TSPAN18: variants seen among roughly 807,000 people sequenced by gnomAD.
TSPAN18 encodes tetraspanin 18.
A neutral mutation model predicts 27.3 loss-of-function variants in TSPAN18; 14 were observed. That is an observed-to-expected ratio of 0.51 (90% CI 0.34 to 0.80). The LOEUF (loss-of-function observed/expected upper bound fraction) is 0.80, where lower values mean the gene tolerates loss of function less well. Ranked by LOEUF, TSPAN18 falls within the 30% of genes least tolerant of loss-of-function variation. TSPAN18 has a pLI of 0.01. For missense variants in TSPAN18, 268 were observed against 323.9 expected (o/e 0.83, Z 1.32); for synonymous variants, 143 against 136.5 (o/e 1.05, Z -0.33).
At position 44,843,311 on chromosome 11, in the gene TSPAN18, C is replaced by T. The variant is rs1030131947; in HGVS notation, c.-152-17017C>T. On this transcript the variant is annotated intron_variant, in intron 2 of 9. Coordinates refer to ENST00000520358, the MANE Select transcript of TSPAN18 (RefSeq NM_130783.5). ...TATTGGTGGGATCCGTGATGCCCCACAAGCCACAAAAACCAGCAAGTTTTT... is the reference window on the plus strand; with the variant it reads ...TATTGGTGGGATCCGTGATGCCCCATAAGCCACAAAAACCAGCAAGTTTTT... 2.6e-5 allele frequency among the ~76,000 whole-genome samples: 4 copies of T among 151,864 alleles called. No individual in the cohort carries two copies. The East Asian group carries it at 7.7e-4, about 29-fold the overall frequency.
chr11:44,782,282 C>T (rs1855955607), intron 2 of TSPAN18, among the ~76,000 whole-genome samples: 1 of 152,132 alleles, frequency 6.6e-6, no homozygotes, highest in South Asian at 2.1e-4. Context: ...TGCGGTGGCT[C>T]ATACCTGTAA....
intron 2 of TSPAN18, among the ~76,000 whole-genome samples, chr11:44,854,766 G>C (rs1451591705): frequency 1.3e-5 from 2 of 152,150 alleles, no homozygotes; most frequent in Non-Finnish European, 2.9e-5. Context: ...GTGATCTTGA[G>C]CAAGTCACTC....
intron 1 of TSPAN18, among the ~76,000 whole-genome samples, chr11:44,763,745 C>G (rs1328402478): frequency 3.3e-5 from 5 of 152,072 alleles, no homozygotes; most frequent in Non-Finnish European, 5.9e-5. Flanking sequence ...TATATAGGCT[C>G]CGGGCTGACT....
intron 2 of TSPAN18, among the ~76,000 whole-genome samples, chr11:44,782,488 A>G (rs961187810): frequency 6.6e-6 from 1 of 150,908 alleles, no homozygotes; most frequent in Non-Finnish European, 1.5e-5. Flanking sequence ...GGTTGCAATG[A>G]GCAGAGATCA....
At position 44,839,311 on chromosome 11, in the gene TSPAN18, G is replaced by A. The variant is rs189157602; in HGVS notation, c.-152-21017G>A. Among the ~76,000 whole-genome samples the A allele has an allele frequency of 3.3e-5, 5 of 152,336 alleles. No individual in the cohort carries two copies. The East Asian group carries it at 5.8e-4, about 18-fold the overall frequency. ...AGTCTGTCCTCTGTCTGCTCAGGCT[G>A]TCTCCCTTGCCTCCTGCAAAAAGAG... On this transcript the variant is annotated intron_variant, in intron 2 of 9. Transcript: ENST00000520358.
At chr11:44,731,625 T>TGAGAGAGAGA (rs1188567683) in intron 1 of TSPAN18, among the ~76,000 whole-genome samples, 1 of 82,730 alleles carries the variant, frequency 1.2e-5, no homozygotes, top group African/African-American at 3.9e-5. Flanking sequence ...TGTGTGTGTG[T>TGAGAGAGAGA]GTGTGTGTGA....
At chr11:44,874,201 G>A (rs1358878423) in intron 3 of TSPAN18, among the ~76,000 whole-genome samples, 4 of 152,278 alleles carry the variant, frequency 2.6e-5, no homozygotes, top group Non-Finnish European at 5.9e-5. Flanking sequence ...GGCCTAGCAC[G>A]GTATGGGACA....
intron 2 of TSPAN18, among the ~76,000 whole-genome samples, chr11:44,808,790 G>T (rs1052582944): frequency 6.6e-6 from 1 of 152,056 alleles, no homozygotes; most frequent in Non-Finnish European, 1.5e-5. Context: ...CCTCACCGTG[G>T]TTTGTGATAA....
intron 2 of TSPAN18, among the ~76,000 whole-genome samples, chr11:44,765,018 T>C (rs555125282): frequency 1.5e-4 from 23 of 152,184 alleles, no homozygotes; most frequent in Admixed American, 1.4e-3. Context: ...CAGAAAAGCC[T>C]TGGTCTGTTT....
chr11:44,813,780 A>G (rs1030602115), intron 2 of TSPAN18, among the ~76,000 whole-genome samples: 3 of 152,228 alleles, frequency 2.0e-5, no homozygotes, highest in Admixed American at 6.5e-5. Flanking sequence ...CCCAGGAAGG[A>G]GTGCATAGAC....
intron 2 of TSPAN18, among the ~76,000 whole-genome samples, chr11:44,847,318 TC>T (rs141588861): frequency 0.013 from 2,038 of 152,340 alleles, 48 homozygotes; most frequent in African/African-American, 0.046. Flanking sequence ...CCTGGCTCCC[TC>T]ACTTATGAGC....
chr11:44,729,533 G>A (rs1854600731), intron 1 of TSPAN18, among the ~76,000 whole-genome samples: 1 of 152,124 alleles, frequency 6.6e-6, no homozygotes, highest in Admixed American at 6.5e-5. Context: ...CAAACTCCAA[G>A]ATCTCTGATT....
intron 2 of TSPAN18, among the ~76,000 whole-genome samples, chr11:44,815,261 G>A (rs760702873): frequency 3.9e-5 from 6 of 152,350 alleles, no homozygotes; most frequent in Non-Finnish European, 7.3e-5. Context: ...TGATCCACGG[G>A]CTGGATGCAT....
At chr11:44,788,085 G>A (rs1040436713) in intron 2 of TSPAN18, among the ~76,000 whole-genome samples, 14 of 152,150 alleles carry the variant, frequency 9.2e-5, no homozygotes, top group Non-Finnish European at 1.5e-4. Context: ...ACTTTTTCTC[G>A]TGCCTTTTCC....
At chr11:44,919,171 C>T in intron 6 of TSPAN18, 43 bp from the exon 7 acceptor site, 4 of 1,533,854 alleles carry the variant, frequency 2.6e-6, no homozygotes, top group Admixed American at 3.3e-5. Context: ...GGGGGCTGCA[C>T]CCAACTGCCA....
intron 1 of TSPAN18, among the ~76,000 whole-genome samples, chr11:44,752,815 T>C (rs1451966662): frequency 6.6e-6 from 1 of 152,194 alleles, no homozygotes; most frequent in Non-Finnish European, 1.5e-5. Context: ...GGATTGGATA[T>C]AAAACTGGTT....
At position 44,924,097 on chromosome 11, in the gene TSPAN18, T is replaced by TTGTGTGCG. The variant is rs1491267205; in HGVS notation, c.616-2571_616-2570insCGTGTGTG. Among the ~76,000 whole-genome samples, 812 of 145,874 alleles carry TTGTGTGCG rather than the reference T, an allele frequency of 5.6e-3. 5 individuals carry two copies. Among genetic ancestry groups the TTGTGTGCG allele is most frequent in the African/African-American group, 0.02 (787 of 38,970 alleles). On this transcript the variant is annotated intron_variant, in intron 8 of 9. Coordinates refer to ENST00000520358, the MANE Select transcript of TSPAN18 (RefSeq NM_130783.5). ...CTGCTTCTCCTGTCCCCTTCTGGGGTTGTGTGTGTGTGTGTGTGTGTGTGT... is the reference window on the plus strand; with the variant it reads ...CTGCTTCTCCTGTCCCCTTCTGGGGTTGTGTGCGTGTGTGTGTGTGTGTGTGTGTGTGT...
At chr11:44,758,560 C>T (rs1855383375) in intron 1 of TSPAN18, among the ~76,000 whole-genome samples, 1 of 152,200 alleles carries the variant, frequency 6.6e-6, no homozygotes. Context: ...TAATGCTTAG[C>T]TCAGTGCCCT....
At chr11:44,904,472 G>A (rs1277753994) in intron 3 of TSPAN18, among the ~76,000 whole-genome samples, 1 of 152,212 alleles carries the variant, frequency 6.6e-6, no homozygotes, top group African/African-American at 2.4e-5. Flanking sequence ...CTCAGCTGGT[G>A]GACAGACATC....
Sources: gnomAD v4.1 joint callset for allele counts (sites outside exome capture counted in the v4.1 genomes callset) on GRCh38, gnomAD v4.1.1 for gene constraint, MANE v1.5 for transcripts, NCBI Gene and HGNC (gene_info 2026-07-23, HGNC 2026-07-21) for gene names.